Variants in KCNMB2 observed in about 807,000 individuals in gnomAD.
KCNMB2 encodes potassium calcium-activated channel subfamily M regulatory beta subunit 2, also known as calcium-activated potassium channel subunit beta-2.
Under a neutral mutation model 24.5 loss-of-function variants are expected in KCNMB2, and 9 were observed. That is an observed-to-expected ratio of 0.37 (90% CI 0.22 to 0.64). The LOEUF (loss-of-function observed/expected upper bound fraction) is 0.64, where lower values mean the gene tolerates loss of function less well. Ranked by LOEUF, KCNMB2 falls within the 30% of genes least tolerant of loss-of-function variation. KCNMB2 has a pLI of 0.63. For synonymous variants in KCNMB2, 109 were observed against 104.4 expected (o/e 1.04, Z -0.27); for missense variants, 226 against 284.3 (o/e 0.79, Z 1.47).
chr3:178,826,529 T>C (rs4624543), intron 3 of KCNMB2, among the ~76,000 whole-genome samples: 98,240 of 152,126 alleles, frequency 0.65, 33,619 homozygotes, highest in African/African-American at 0.87. Context: ...CAGTAAGCCA[T>C]GTAGTAAATC....
intron 1 of KCNMB2, among the ~76,000 whole-genome samples, chr3:178,541,285 A>G (rs1373669423): frequency 6.6e-6 from 1 of 152,158 alleles, no homozygotes; most frequent in Admixed American, 6.5e-5. Context: ...CAAAAAGGAC[A>G]TTTTCACAGA....
intron 1 of KCNMB2, among the ~76,000 whole-genome samples, chr3:178,554,851 A>G (rs763388394): frequency 1.7e-4 from 26 of 152,248 alleles, no homozygotes; most frequent in Non-Finnish European, 3.5e-4. Flanking sequence ...TCAAAAGCAT[A>G]TGGGTCTTTT....
chr3:178,672,941 C>T (rs1392400445), intron 1 of KCNMB2, among the ~76,000 whole-genome samples: 1 of 152,184 alleles, frequency 6.6e-6, no homozygotes, highest in Non-Finnish European at 1.5e-5. Context: ...CATTTTCTGA[C>T]CACCACTTTC....
chr3:178,544,217 T>C (rs1715706018), intron 1 of KCNMB2, among the ~76,000 whole-genome samples: 1 of 152,188 alleles, frequency 6.6e-6, no homozygotes, highest in Non-Finnish European at 1.5e-5. Flanking sequence ...GGAATTATTT[T>C]ATAATAATTA....
intron 1 of KCNMB2, among the ~76,000 whole-genome samples, chr3:178,742,105 T>C (rs1242681997): frequency 6.6e-6 from 1 of 152,234 alleles, no homozygotes; most frequent in Non-Finnish European, 1.5e-5. Flanking sequence ...ACGATAGCAT[T>C]GAAAGTCATA....
chr3:178,683,777 C>T (rs1417233011), intron 1 of KCNMB2, among the ~76,000 whole-genome samples: 1 of 152,294 alleles, frequency 6.6e-6, no homozygotes, highest in East Asian at 1.9e-4. Context: ...AAACACTCAT[C>T]TGCCTGGTTA....
intron 1 of KCNMB2, among the ~76,000 whole-genome samples, chr3:178,661,876 G>C (rs9871613): frequency 0.46 from 70,081 of 151,918 alleles, 16,171 homozygotes; most frequent in Middle Eastern, 0.57. Context: ...TTCTTACAGG[G>C]ACAATACACA....
intron 1 of KCNMB2, among the ~76,000 whole-genome samples, chr3:178,584,247 C>T (rs770712966): frequency 2.0e-5 from 3 of 152,182 alleles, no homozygotes; most frequent in African/African-American, 7.2e-5. Context: ...CCTTACAAAA[C>T]CCTGAACGAG....
At chr3:178,537,213 A>G (rs1393587491) in intron 1 of KCNMB2, 1 of 152,208 alleles carries the variant, frequency 6.6e-6, no homozygotes, top group African/African-American at 2.4e-5. Context: ...AATTTCCCTG[A>G]CAAAGAACTA....
At chr3:178,835,263 T>C (rs1317677036) in intron 4 of KCNMB2, among the ~76,000 whole-genome samples, 1 of 152,058 alleles carries the variant, frequency 6.6e-6, no homozygotes, top group Non-Finnish European at 1.5e-5. Flanking sequence ...TGAATTCTGT[T>C]TTCCTTTTCA....
intron 1 of KCNMB2, among the ~76,000 whole-genome samples, chr3:178,625,788 A>G (rs1310341548): frequency 6.6e-6 from 1 of 152,196 alleles, no homozygotes; most frequent in Non-Finnish European, 1.5e-5. Flanking sequence ...TATATGCTCA[A>G]TATCCACTTG....
At chr3:178,795,130 G>T (rs889677454) in intron 1 of KCNMB2, 2 of 151,534 alleles carry the variant, frequency 1.3e-5, no homozygotes, top group African/African-American at 4.9e-5. Context: ...TGTTTTGTTT[G>T]TTTTTTTTAA....
intron 2 of KCNMB2, among the ~76,000 whole-genome samples, chr3:178,814,078 C>T (rs1312095348): frequency 6.6e-6 from 1 of 151,966 alleles, no homozygotes; most frequent in Non-Finnish European, 1.5e-5. Flanking sequence ...GAAGTTTGGG[C>T]CTCTATTGAA....
intron 1 of KCNMB2, among the ~76,000 whole-genome samples, chr3:178,694,705 T>G (rs1320603345): frequency 1.3e-5 from 2 of 152,236 alleles, no homozygotes; most frequent in Non-Finnish European, 2.9e-5. Flanking sequence ...ACTCCATCTC[T>G]CAAATCCATG....
intron 1 of KCNMB2, among the ~76,000 whole-genome samples, chr3:178,741,407 C>T (rs148247652): frequency 6.6e-6 from 1 of 152,170 alleles, no homozygotes; most frequent in African/African-American, 2.4e-5. Flanking sequence ...GGGAAAATAT[C>T]TCTTGTTTTT....
At chr3:178,785,426 AGT>A (rs1047138238) in intron 1 of KCNMB2, among the ~76,000 whole-genome samples, 5 of 152,096 alleles carry the variant, frequency 3.3e-5, no homozygotes, top group African/African-American at 1.2e-4. Flanking sequence ...ACAGAATGAC[AGT>A]GAGGAATATT....
chr3:178,736,019 C>G (rs1318620258), intron 1 of KCNMB2, among the ~76,000 whole-genome samples: 1 of 152,122 alleles, frequency 6.6e-6, no homozygotes, highest in African/African-American at 2.4e-5. Context: ...TGGCACATTT[C>G]ACACATCTTT....
chr3:178,738,328 C>G (rs1285160971), intron 1 of KCNMB2, among the ~76,000 whole-genome samples: 1 of 152,182 alleles, frequency 6.6e-6, no homozygotes. Flanking sequence ...ATTGGGCCCT[C>G]CCTCCAACAA....
At chr3:178,652,242 C>A (rs187062105) in intron 1 of KCNMB2, among the ~76,000 whole-genome samples, 2 of 151,938 alleles carry the variant, frequency 1.3e-5, no homozygotes, top group African/African-American at 4.8e-5. Flanking sequence ...AACAAACAAC[C>A]CCATCAAAAA....
Sources: gnomAD v4.1 joint callset for allele counts (sites outside exome capture counted in the v4.1 genomes callset) on GRCh38, gnomAD v4.1.1 for gene constraint, MANE v1.5 for transcripts, NCBI Gene and HGNC (gene_info 2026-07-23, HGNC 2026-07-21) for gene names.